KLHL3: variants seen among roughly 807,000 people sequenced by gnomAD.
KLHL3 encodes the protein kelch like family member 3.
KLHL3 carries 19 observed loss-of-function variants against 70.5 expected under a neutral mutation model. That is an observed-to-expected ratio of 0.27 (90% CI 0.19 to 0.40). The LOEUF (loss-of-function observed/expected upper bound fraction) is 0.40, where lower values mean the gene tolerates loss of function less well. KLHL3 is among the 10% of genes least tolerant of loss of function. The pLI, the probability that KLHL3 is intolerant of heterozygous loss-of-function variation, is 1.00. For missense variants in KLHL3, 512 were observed against 771.1 expected (o/e 0.66, Z 3.98); for synonymous variants, 258 against 290.3 (o/e 0.89, Z 1.13).
At chr5:137,662,124 GAA>G in intron 6 of KLHL3, 93 bp from the exon 7 acceptor site, 1 of 681,704 alleles carries the variant, frequency 1.5e-6, no homozygotes, top group Non-Finnish European at 2.6e-6. Flanking sequence ...AAGAGAGAGA[GAA>G]AAAGTTATGA....
At chr5:137,733,380 A>T (rs1484329746) in intron 1 of KLHL3, among the ~76,000 whole-genome samples, 1 of 152,208 alleles carries the variant, frequency 6.6e-6, no homozygotes, top group South Asian at 2.1e-4. Context: ...CACAAAAGTT[A>T]TTAGCTAATC....
chr5:137,677,532 A>G lies in KLHL3; in HGVS notation c.636+13T>C, dbSNP rs1751914471. Reference sequence around the variant, plus strand: ...GAGTGAGGTTCCCGTTTCCCCAGTGAGCCATGTCATACCTTCTCTTCTGAA... The same window carrying G: ...GAGTGAGGTTCCCGTTTCCCCAGTGGGCCATGTCATACCTTCTCTTCTGAA... On this transcript the variant is annotated intron_variant, in intron 6 of 14. Coordinates refer to ENST00000309755, the MANE Select transcript of KLHL3 (RefSeq NM_017415.3). The G allele has an allele frequency of 6.6e-7, 1 of 1,510,828 alleles. No homozygotes were observed. Among genetic ancestry groups the G allele is most frequent in the Non-Finnish European group, 9.1e-7 (1 of 1,097,950 alleles). 93.6% of individuals were successfully genotyped at this position (1,510,828 alleles called of 1,614,324 possible).
chr5:137,735,729 G>A lies in KLHL3; in HGVS notation c.-83C>T, dbSNP rs2149942310. ...AGTTCTGTTCTTGATTCTCCCAGCA[G>A]ACCAGTGGGAAATCTGATCAGCAAC... On this transcript the variant is annotated 5_prime_UTR_variant, in exon 1 of 15. Coordinates refer to ENST00000309755, the MANE Select transcript of KLHL3 (RefSeq NM_017415.3). 1.3e-6 allele frequency: 2 copies of A among 1,597,584 alleles called. No homozygotes were observed. The highest frequency in any genetic ancestry group is 1.7e-6 in the Non-Finnish European group (2 of 1,165,046).
chr5:137,712,930 T>A (rs1178944892), intron 2 of KLHL3, among the ~76,000 whole-genome samples: 2 of 152,056 alleles, frequency 1.3e-5, no homozygotes, highest in Non-Finnish European at 2.9e-5. Flanking sequence ...TGAAAAAAAA[T>A]TTTAAAAAAA....
intron 5 of KLHL3, among the ~76,000 whole-genome samples, chr5:137,686,221 T>C (rs1056341105): frequency 2.0e-5 from 3 of 152,154 alleles, no homozygotes; most frequent in Non-Finnish European, 4.4e-5. Flanking sequence ...TCCCCAAAAG[T>C]GCATGTGGTC....
intron 1 of KLHL3, among the ~76,000 whole-genome samples, chr5:137,727,226 C>CCT (rs148720291): frequency 4.1e-4 from 61 of 150,384 alleles, no homozygotes; most frequent in African/African-American, 1.4e-3. Flanking sequence ...TATCTTCCTC[C>CCT]CTCTCTCTCT....
intron 6 of KLHL3, among the ~76,000 whole-genome samples, chr5:137,676,572 G>A (rs1230492036): frequency 6.6e-6 from 1 of 152,166 alleles, no homozygotes; most frequent in Non-Finnish European, 1.5e-5. Context: ...CAGGTGCAGG[G>A]TAAATAATAA....
At chr5:137,662,709 T>C (rs1329342280) in intron 6 of KLHL3, among the ~76,000 whole-genome samples, 6 of 152,166 alleles carry the variant, frequency 3.9e-5, no homozygotes, top group African/African-American at 1.4e-4. Context: ...TGCCACCACA[T>C]ACACATAGGC....
chr5:137,653,386 T>C (rs1272364589), intron 8 of KLHL3, among the ~76,000 whole-genome samples: 4 of 152,148 alleles, frequency 2.6e-5, no homozygotes, highest in Non-Finnish European at 5.9e-5. Context: ...CCAGAATACA[T>C]AAAGAATGTT....
chr5:137,622,076 C>G lies in KLHL3; in HGVS notation c.*22G>C, dbSNP rs201083393. 3.7e-6 allele frequency: 6 copies of G among 1,613,882 alleles called. No homozygotes were observed. Among genetic ancestry groups the G allele is most frequent in the Non-Finnish European group, 5.1e-6 (6 of 1,179,846 alleles). ...AGGCAGCACCTGCTCCTTCCTCCAC[C>G]TCCTGGCAGTAGGAGTTTGGGTCAC... On this transcript the variant is annotated 3_prime_UTR_variant, in exon 15 of 15. Transcript: ENST00000309755.
intron 6 of KLHL3, among the ~76,000 whole-genome samples, chr5:137,665,713 G>A (rs1413483046): frequency 6.6e-6 from 1 of 152,146 alleles, no homozygotes; most frequent in African/African-American, 2.4e-5. Context: ...AGGAAAAAAG[G>A]ACTCCAATTT....
chr5:137,624,216 C>G (rs899878922), intron 14 of KLHL3, among the ~76,000 whole-genome samples: 11 of 152,186 alleles, frequency 7.2e-5, no homozygotes, highest in African/African-American at 2.4e-4. Context: ...ATAATAGACT[C>G]AGTAAGTGGG....
intron 2 of KLHL3, among the ~76,000 whole-genome samples, chr5:137,712,597 C>T (rs1278602550): frequency 6.6e-6 from 1 of 152,210 alleles, no homozygotes; most frequent in Non-Finnish European, 1.5e-5. Context: ...CACTGCATGG[C>T]TCACAAGCAC....
chr5:137,678,256 A>G (rs1751935375), intron 5 of KLHL3, among the ~76,000 whole-genome samples: 1 of 152,116 alleles, frequency 6.6e-6, no homozygotes, highest in Non-Finnish European at 1.5e-5. Context: ...ACCCCTAGGA[A>G]CAGTCCACAG....
chr5:137,677,740 T>C (rs112223576), intron 5 of KLHL3, 86 bp from the exon 6 acceptor site: 11 of 822,578 alleles, frequency 1.3e-5, no homozygotes, highest in African/African-American at 1.2e-4. Context: ...GGATTCACAG[T>C]AGAGTCCTGG....
At chr5:137,663,822 G>T (rs772114117) in intron 6 of KLHL3, among the ~76,000 whole-genome samples, 10 of 152,136 alleles carry the variant, frequency 6.6e-5, no homozygotes, top group Non-Finnish European at 1.5e-4. Flanking sequence ...GCTGGATGGG[G>T]CTTTCAATGC....
In KLHL3 at chr5:137,618,405, G is replaced by A. The variant is rs1451095135; in HGVS notation, c.*3693C>T. 1 of 152,154 alleles carries A rather than the reference G, an allele frequency of 6.6e-6. No individual in the cohort carries two copies. Among genetic ancestry groups the A allele is most frequent in the African/African-American group, 2.4e-5 (1 of 41,440 alleles). 9.4% of individuals were successfully genotyped at this position (152,154 alleles called of 1,614,324 possible). ...ATAAATACACAAAACAGAGCCTGGA[G>A]TAGAGACATAGCTCAAGAAGCAAGT... On this transcript the variant is annotated 3_prime_UTR_variant, in exon 15 of 15. Transcript: ENST00000309755.
chr5:137,666,813 T>G (rs1401153575), intron 6 of KLHL3, among the ~76,000 whole-genome samples: 1 of 152,178 alleles, frequency 6.6e-6, no homozygotes, highest in Non-Finnish European at 1.5e-5. Flanking sequence ...TAGCTTTCAA[T>G]GTACCCAAAA....
At chr5:137,716,056 T>C (rs1057323392) in intron 2 of KLHL3, among the ~76,000 whole-genome samples, 3 of 152,220 alleles carry the variant, frequency 2.0e-5, no homozygotes, top group Non-Finnish European at 4.4e-5. Context: ...AGGGGTTATT[T>C]ATATGAGGAA....
Sources: allele counts gnomAD v4.1 joint callset (sites outside exome capture counted in the v4.1 genomes callset), GRCh38; gene constraint gnomAD v4.1.1; transcripts MANE v1.5; gene names NCBI Gene and HGNC (gene_info 2026-07-23, HGNC 2026-07-21).